The following SP6 variants were observed in gnomAD, a reference collection of about 807,000 sequenced individuals.
SP6 encodes transcription factor Sp6.
A neutral mutation model predicts 23.4 loss-of-function variants in SP6; 10 were observed. That is an observed-to-expected ratio of 0.43 (90% CI 0.26 to 0.72). The LOEUF (loss-of-function observed/expected upper bound fraction) is 0.72, where lower values mean the gene tolerates loss of function less well. Among genes scored for constraint, SP6 ranks in the 30% least tolerant of loss-of-function variants. The pLI is 0.23. For missense variants in SP6, 482 were observed against 523.8 expected (o/e 0.92, Z 0.78); for synonymous variants, 238 against 238.7 (o/e 1.00, Z 0.03).
At chr17:47,859,055 G>T (rs569473252), upstream of SP6, among the ~76,000 whole-genome samples, 1 of 152,016 alleles carries the variant, frequency 6.6e-6, no homozygotes, top group Non-Finnish European at 1.5e-5. Context: ...GATTACAGGC[G>T]TGAGATATGA....
chr17:47,873,647 C>A, the SP6 span, among the ~76,000 whole-genome samples: 1 of 152,316 alleles, frequency 6.6e-6, no homozygotes, highest in East Asian at 1.9e-4. Context: ...CCGAGTTGAG[C>A]CCCTCCCTGC....
chr17:47,871,903 C>G, the SP6 span, among the ~76,000 whole-genome samples: 4 of 152,156 alleles, frequency 2.6e-5, no homozygotes, highest in African/African-American at 9.7e-5. Flanking sequence ...TTACAGGCGT[C>G]AGCCACCGCG....
Position 47,848,016 on chromosome 17 carries a change from C to T in SP6, c.414G>A (p.Ala138=), listed in dbSNP as rs750647938. Reference sequence around the variant, plus strand: ...CCCCCGGGTGGCCAGGTGAGGTCAGCGCGCCCTGAGTGTGGGGGAGGTCCA... The same window carrying T: ...CCCCCGGGTGGCCAGGTGAGGTCAGTGCGCCCTGAGTGTGGGGGAGGTCCA... ...SWMDLPHTQG[A]LTSPGHPGAL... Residue 138 remains alanine, a synonymous_variant, in exon 2 of 2, where the codon GCG becomes GCA. Transcript: ENST00000536300. This position sits in a 1 kb window ranked among gnomAD's most constrained non-coding sequence, Gnocchi z 5.3. The T allele has an allele frequency of 2.5e-6, 4 of 1,608,254 alleles. No individual in the cohort carries two copies. In the East Asian group the frequency reaches 9.0e-5, roughly 36 times the overall value.
At position 47,847,850 on chromosome 17, in the gene SP6, C is replaced by A; in HGVS notation, c.580G>T (p.Val194Leu). Reference protein sequence around the residue: ...GPPDGAKALEVAAPESQGLDS... With the variant: ...GPPDGAKALELAAPESQGLDS... The stretch of plus-strand genomic sequence containing the variant: ...AGCCCTTGAGACTCCGGGGCGGCTA[C>A]TTCCAAGGCCTTAGCCCCGTCGGGC... Residue 194 changes from valine to leucine, a missense_variant, in exon 2 of 2, where the codon GTA becomes TTA. Val to Leu is a conservative substitution (Grantham distance 32). This residue lies in a region of SP6 where 330 missense variants were observed against 332.3 expected (regional missense o/e 0.99). Coordinates refer to ENST00000536300, the MANE Select transcript of SP6 (RefSeq NM_001258248.2). The A allele has an allele frequency of 4.0e-6, 6 of 1,518,042 alleles. No individual in the cohort carries two copies. The highest frequency in any genetic ancestry group is 4.4e-6 in the Non-Finnish European group (5 of 1,135,364). The allele number at this position is 1,518,042 out of a possible 1,614,324, so 94.0% of individuals were successfully genotyped here. A position where few individuals can be genotyped will look rare whatever the true frequency, so the allele number is the denominator to read the frequency against.
At chr17:47,865,467 C>T in the SP6 span, among the ~76,000 whole-genome samples, 7 of 152,240 alleles carry the variant, frequency 4.6e-5, no homozygotes, top group African/African-American at 4.8e-5. Context: ...AGGGTCCAAC[C>T]CTCCTCCATC....
In SP6 at chr17:47,847,819, G is replaced by A. The variant is rs1395623524; in HGVS notation, c.611C>T (p.Ser204Phe). ...GGGACGCGCCGCCCCGTCCAGGCTG[G>A]AATCCAGCCCTTGAGACTCCGGGGC... Reference protein sequence around the residue: ...VAAPESQGLDSSLDGAARPKG... With the variant: ...VAAPESQGLDFSLDGAARPKG... Residue 204 changes from serine (S) to phenylalanine (F), a missense_variant, in exon 2 of 2, where the codon TCC becomes TTC. Physicochemically the swap from Ser to Phe is radical, Grantham distance 155. This residue lies in a region of SP6 where 330 missense variants were observed against 332.3 expected (regional missense o/e 0.99). Transcript: ENST00000536300. The A allele has an allele frequency of 2.6e-6, 4 of 1,529,356 alleles. No homozygotes were observed. Among genetic ancestry groups the A allele is most frequent in the Non-Finnish European group, 3.5e-6 (4 of 1,142,380 alleles). The allele number at this position is 1,529,356 out of a possible 1,614,324, so 94.7% of individuals were successfully genotyped here.
At chr17:47,862,835 A>C in the SP6 span, among the ~76,000 whole-genome samples, 4 of 152,258 alleles carry the variant, frequency 2.6e-5, no homozygotes, top group Non-Finnish European at 5.9e-5. Flanking sequence ...ACCTCTGCTC[A>C]GTGCCTGTGG....
chr17:47,860,719 AAAATAAAT>A (rs71141936), upstream of SP6, among the ~76,000 whole-genome samples: 26,203 of 148,624 alleles, frequency 0.18, 2,449 homozygotes, highest in Admixed American at 0.26. Context: ...AAAAAAAGTT[AAAATAAAT>A]AAATAAATAA....
At chr17:47,854,002 A>G (rs186313246), upstream of SP6, among the ~76,000 whole-genome samples, 132 of 152,300 alleles carry the variant, frequency 8.7e-4, 2 homozygotes, top group Middle Eastern at 0.027. Flanking sequence ...ACCACAGCCC[A>G]TTGCCCATAT....
chr17:47,862,798 T>C, the SP6 span, among the ~76,000 whole-genome samples: 1 of 152,238 alleles, frequency 6.6e-6, no homozygotes. Context: ...CTCAGCCTCC[T>C]GTAGTGCCTG....
At chr17:47,871,573 T>C in the SP6 span, among the ~76,000 whole-genome samples, 1,600 of 152,298 alleles carry the variant, frequency 0.011, 13 homozygotes, top group African/African-American at 0.025. Context: ...CTGCATAGCA[T>C]GTGTTCCTGC....
chr17:47,854,801 G>A (rs1489593351), upstream of SP6, among the ~76,000 whole-genome samples: 1 of 152,170 alleles, frequency 6.6e-6, no homozygotes. Flanking sequence ...TTAGTAGCAA[G>A]TTAGAAGCAG....
rs1356838475 is a variant in SP6, at chr17:47,847,291, T to A, written c.*8A>T. ...CGGGATACCCGCAGGGAGGCGGCAC[T>A]GAGGAGCTCAGTTGGAGGGAGCCAC... is the stretch of plus-strand genomic sequence containing the variant. On this transcript the variant is annotated 3_prime_UTR_variant, in exon 2 of 2. Transcript: ENST00000536300. The A allele has an allele frequency of 6.6e-6, 10 of 1,522,404 alleles. No individual in the cohort carries two copies. The highest frequency in any genetic ancestry group is 1.8e-6 in the Non-Finnish European group (2 of 1,132,574). 94.3% of individuals were successfully genotyped at this position (1,522,404 alleles called of 1,614,324 possible).
At chr17:47,858,760 G>T (rs4994571), upstream of SP6, among the ~76,000 whole-genome samples, 54,183 of 124,746 alleles carry the variant, frequency 0.43, 13,210 homozygotes, top group Non-Finnish European at 0.48. Flanking sequence ...AATGACAGAT[G>T]AAGCATCTTT....
chr17:47,867,620 C>A, the SP6 span, among the ~76,000 whole-genome samples: 3 of 151,998 alleles, frequency 2.0e-5, no homozygotes, highest in Non-Finnish European at 4.4e-5. Flanking sequence ...ATCCTCCCAC[C>A]CCCACCCCCA....
chr17:47,850,319 C>T (rs144445539), intron 1 of SP6, among the ~76,000 whole-genome samples: 1 of 152,286 alleles, frequency 6.6e-6, no homozygotes, highest in East Asian at 1.9e-4. Context: ...AGACCAGTCC[C>T]ACTGGGTGGA....
At chr17:47,869,095 T>C in the SP6 span, among the ~76,000 whole-genome samples, 3 of 152,202 alleles carry the variant, frequency 2.0e-5, no homozygotes, top group African/African-American at 4.8e-5. Context: ...CCTGCTTCTA[T>C]GAGCAGGAGC....
the SP6 span, chr17:47,863,312 C>G: frequency 6.6e-6 from 1 of 152,242 alleles, no homozygotes; most frequent in Admixed American, 6.5e-5. Context: ...GCCTCTTCCC[C>G]CAAAGCTAAC....
the SP6 span, among the ~76,000 whole-genome samples, chr17:47,867,232 A>T: frequency 2.6e-3 from 398 of 152,266 alleles, no homozygotes; most frequent in African/African-American, 9.3e-3. Flanking sequence ...ACCTGCTGTC[A>T]GGAGGAGCTC....
Sources: allele counts gnomAD v4.1 joint callset (sites outside exome capture counted in the v4.1 genomes callset), GRCh38; gene constraint gnomAD v4.1.1; regional missense constraint gnomAD v4.1.1; non-coding constraint Gnocchi (gnomAD v3.1); transcripts MANE v1.5; gene names NCBI Gene and HGNC (gene_info 2026-07-23, HGNC 2026-07-21).